ALPK3: variants seen among roughly 807,000 people sequenced by gnomAD.
ALPK3 encodes the protein alpha-protein kinase 3.
ALPK3 carries 102 observed loss-of-function variants against 140.0 expected under a neutral mutation model. The ratio of observed to expected loss-of-function variants is 0.73; its 90% CI spans 0.62 to 0.86. The LOEUF (loss-of-function observed/expected upper bound fraction) is 0.86. Ranked by LOEUF, ALPK3 falls within the 40% of genes least tolerant of loss-of-function variation. ALPK3 has a pLI of 0.00. For synonymous variants in ALPK3, 938 were observed against 898.5 expected (o/e 1.04, Z -0.79); for missense variants, 2,254 against 2,208.2 (o/e 1.02, Z -0.42).
intron 3 of ALPK3, among the ~76,000 whole-genome samples, chr15:84,833,683 G>GGA (rs1963568021): frequency 6.6e-6 from 1 of 152,238 alleles, no homozygotes; most frequent in African/African-American, 2.4e-5. Context: ...CTGGTGGTCA[G>GGA]AACTTAGTCC....
chr15:84,860,135 C>T (rs1201995480), intron 9 of ALPK3, 63 bp downstream of exon 9: 3 of 1,582,834 alleles, frequency 1.9e-6, no homozygotes, highest in African/African-American at 1.3e-5. Context: ...GGAGGACCCT[C>T]TTTAAGGGCT....
chr15:84,868,066 G>A, intron 13 of ALPK3, 45 bp from the exon 14 acceptor site: 1 of 1,565,216 alleles, frequency 6.4e-7, no homozygotes, highest in Middle Eastern at 1.7e-4. Flanking sequence ...AAGGAACTGT[G>A]TCTCTGGTTG....
At chr15:84,823,190 C>T in intron 1 of ALPK3, 140 bp from the exon 2 acceptor site, 1 of 888,346 alleles carries the variant, frequency 1.1e-6, no homozygotes, top group Non-Finnish European at 1.8e-6. Context: ...TGGAGCAGGC[C>T]AACTAAGACA....
chr15:84,860,944 C>A (rs953028405), intron 9 of ALPK3, among the ~76,000 whole-genome samples: 1 of 152,204 alleles, frequency 6.6e-6, no homozygotes, highest in Non-Finnish European at 1.5e-5. Context: ...CTGGTCTCGA[C>A]CTCCTGACCT....
At position 84,827,474 on chromosome 15, in the gene ALPK3, C is replaced by G. The variant is rs368412162; in HGVS notation, c.183-10C>G. The G allele has an allele frequency of 1.2e-6, 2 of 1,613,968 alleles. No individual in the cohort carries two copies. The highest frequency in any genetic ancestry group is 4.5e-5 in the East Asian group (2 of 44,888). ...AAGGCCAGCTCTGAATAGCTCTTTG[C>G]CTCTCTTAGGAGCACCTTCTGCTCC... On this transcript the variant is annotated splice_polypyrimidine_tract_variant and intron_variant, in intron 2 of 13. Transcript: ENST00000258888.
At position 84,858,271 on chromosome 15, in the gene ALPK3, G is replaced by T; in HGVS notation, c.3533G>T (p.Gly1178Val). 1 of 1,593,580 alleles carries T rather than the reference G, an allele frequency of 6.3e-7. No individual in the cohort carries two copies. Among genetic ancestry groups the T allele is most frequent in the Non-Finnish European group, 8.5e-7 (1 of 1,170,220 alleles). The stretch of plus-strand genomic sequence containing the variant: ...CCTAAGGTCAGAGCAGCAGGAGACG[G>T]GGAGGCAACCACACCTGAAGAAAGG... ...FLPKVRAAGD[G>V]EATTPEERES... The change falls in exon 6 of 14, where the codon GGG becomes GTG. Residue 1178 changes from glycine to valine, a missense_variant. Gly to Val is a moderately radical substitution (Grantham distance 109, BLOSUM62 -3). Around this residue, in one of 3 missense-constraint regions of ALPK3, gnomAD observed 2,088 missense variants for 2,022.9 expected, o/e 1.03. Transcript: ENST00000258888.
chr15:84,872,568 C>T lies in ALPK3; in HGVS notation c.*4112C>T, dbSNP rs4842994. On this transcript the variant is annotated 3_prime_UTR_variant, in exon 14 of 14. Coordinates refer to ENST00000258888, the MANE Select transcript of ALPK3 (RefSeq NM_020778.5). ...ATTGCATGGAATTAGGCCTTAGTGG[C>T]GAGGGATTCGACATACAGTCATTTG... 25,984 of 152,216 alleles carry T rather than the reference C, an allele frequency of 0.17. 2,834 individuals are homozygous for T. Among genetic ancestry groups the T allele is most frequent in the Middle Eastern group, 0.28 (81 of 294 alleles). The allele number at this position is 152,216 out of a possible 1,614,324, so 9.4% of individuals were successfully genotyped here.
chr15:84,839,650 G>T (rs1269233328), intron 4 of ALPK3, 52 bp from the exon 5 acceptor site: 1 of 1,533,610 alleles, frequency 6.5e-7, no homozygotes, highest in African/African-American at 1.4e-5. Context: ...GGGGTGTGGG[G>T]GCTCTCACCT....
Position 84,859,349 on chromosome 15 carries a change from A to C in ALPK3, c.3924A>C (p.Thr1308=), listed in dbSNP as rs778445522. 2.5e-6 allele frequency: 4 copies of C among 1,614,144 alleles called. No individual in the cohort carries two copies. Among genetic ancestry groups the C allele is most frequent in the South Asian group, 1.1e-5 (1 of 91,078 alleles). The change falls in exon 7 of 14, where the codon ACA becomes ACC. Residue 1308 remains threonine (T), a synonymous_variant. Transcript: ENST00000258888. The part of the protein sequence containing the change: ...FFNILSDSVL[T]WAKDQRPVGE... ...ACATTCTTAGTGACTCAGTCTTGAC[A>C]TGGGCCAAGGATCAGCGCCCAGTGG...
chr15:84,847,236 A>AGAGAGAGAGAGAGAGAGAGAGG (rs1963742788), intron 5 of ALPK3, among the ~76,000 whole-genome samples: 1 of 151,414 alleles, frequency 6.6e-6, no homozygotes, highest in African/African-American at 2.4e-5. Context: ...AGAGAGAGAG[A>AGAGAGAGAGAGAGAGAGAGAGG]GAGAGAGAGA....
intron 6 of ALPK3, 57 bp from the exon 7 acceptor site, chr15:84,859,186 C>A: frequency 6.2e-7 from 1 of 1,604,378 alleles, no homozygotes; most frequent in South Asian, 1.1e-5. Flanking sequence ...CCCAGGAGAG[C>A]AAGGATATGG....
intron 2 of ALPK3, among the ~76,000 whole-genome samples, chr15:84,825,366 G>A (rs374842591): frequency 2.6e-5 from 4 of 152,090 alleles, no homozygotes; most frequent in Non-Finnish European, 2.9e-5. Context: ...TAGTAGAGAC[G>A]GGGTTTCACC....
chr15:84,837,174 G>C (rs1311666805), intron 3 of ALPK3, among the ~76,000 whole-genome samples: 6 of 151,366 alleles, frequency 4.0e-5, no homozygotes, highest in Non-Finnish European at 8.8e-5. Flanking sequence ...GTAAAGCAGA[G>C]AGCAGAGAAA....
chr15:84,846,424 G>C (rs1596151827), intron 5 of ALPK3, among the ~76,000 whole-genome samples: 1 of 152,224 alleles, frequency 6.6e-6, no homozygotes, highest in Non-Finnish European at 1.5e-5. Context: ...AATGTGGCAA[G>C]TAAGGGTGAA....
chr15:84,824,736 T>G (rs1243904462), intron 2 of ALPK3, among the ~76,000 whole-genome samples: 1 of 152,166 alleles, frequency 6.6e-6, no homozygotes, highest in East Asian at 1.9e-4. Flanking sequence ...ATGATTCTGG[T>G]GTTCTTTAGA....
chr15:84,838,180 T>C (rs1048291541), intron 3 of ALPK3, among the ~76,000 whole-genome samples: 8 of 152,114 alleles, frequency 5.3e-5, no homozygotes, highest in Non-Finnish European at 1.0e-4. Flanking sequence ...GGTGGACAGA[T>C]AGATGCTTTA....
chr15:84,854,514 T>C (rs1963839426), intron 5 of ALPK3, among the ~76,000 whole-genome samples: 1 of 152,178 alleles, frequency 6.6e-6, no homozygotes, highest in Non-Finnish European at 1.5e-5. Context: ...CTCAAACTCC[T>C]GACCTCAGAT....
At chr15:84,831,340 C>T (rs956562701) in intron 3 of ALPK3, among the ~76,000 whole-genome samples, 3 of 152,148 alleles carry the variant, frequency 2.0e-5, no homozygotes, top group African/African-American at 4.8e-5. Context: ...TGTTTTCTGT[C>T]GTCTTACTTT....
intron 5 of ALPK3, among the ~76,000 whole-genome samples, chr15:84,851,006 A>G (rs1214482312): frequency 6.6e-6 from 1 of 151,742 alleles, no homozygotes; most frequent in African/African-American, 2.4e-5. Flanking sequence ...TTGATTTCCA[A>G]CTCCCAGGCC....
Sources: allele counts gnomAD v4.1 joint callset (sites outside exome capture counted in the v4.1 genomes callset), GRCh38; gene constraint gnomAD v4.1.1; regional missense constraint gnomAD v4.1.1; transcripts MANE v1.5; gene names NCBI Gene and HGNC (gene_info 2026-07-23, HGNC 2026-07-21).